KCNH5: variants seen among roughly 807,000 people sequenced by gnomAD.
The protein encoded by KCNH5 is potassium voltage-gated channel subfamily H member 5.
Under a neutral mutation model 96.1 loss-of-function variants are expected in KCNH5, and 46 were observed. That is an observed-to-expected ratio of 0.48 (90% confidence interval 0.38 to 0.61). KCNH5 has a LOEUF of 0.61. Ranked by LOEUF, KCNH5 falls within the 20% of genes least tolerant of loss-of-function variation. The probability of loss-of-function intolerance (pLI) is 0.00; values close to 1 mark genes in which losing one functional copy is unlikely to be tolerated. For synonymous variants in KCNH5, 439 were observed against 449.8 expected, an observed-to-expected ratio of 0.98 and a Z score of 0.30; for missense variants, 907 against 1,225.8, an observed-to-expected ratio of 0.74 and a Z score of 3.88.
chr14:62,890,324 A>G (rs940171804), intron 7 of KCNH5, among the ~76,000 whole-genome samples: 4 of 152,200 alleles, frequency 2.6e-5, no homozygotes. Context: ...ATATTTGCAA[A>G]CTATGTATCT....
chr14:63,029,311 CA>C (rs1891583080), intron 1 of KCNH5, among the ~76,000 whole-genome samples: 1 of 152,046 alleles, frequency 6.6e-6, no homozygotes, highest in Non-Finnish European at 1.5e-5. Flanking sequence ...TAAGTTTCTG[CA>C]AAAAAGCTGG....
chr14:62,877,319 G>C lies in KCNH5; in HGVS notation c.1370-27467C>G, dbSNP rs375186444. On this transcript the variant is annotated intron_variant, in intron 7 of 10. Coordinates refer to ENST00000322893, the MANE Select transcript of KCNH5 (RefSeq NM_139318.5). ...CATGTCTAAAACACCAAAAGCAATG[G>C]CAACAAAAGACAAAATTGACAAATG... Among the ~76,000 whole-genome samples, 4 of 151,684 alleles carry C rather than the reference G, an allele frequency of 2.6e-5. No homozygotes were observed. In the East Asian group the frequency reaches 7.7e-4, roughly 29 times the overall value.
intron 1 of KCNH5, among the ~76,000 whole-genome samples, chr14:63,044,406 A>AT (rs1172170293): frequency 6.6e-6 from 1 of 152,154 alleles, no homozygotes; most frequent in Non-Finnish European, 1.5e-5. Flanking sequence ...CATCTTTTTG[A>AT]TTTTTTTCTA....
At chr14:62,746,346 T>C (rs1885375198) in intron 10 of KCNH5, among the ~76,000 whole-genome samples, 2 of 152,248 alleles carry the variant, frequency 1.3e-5, no homozygotes, top group Admixed American at 6.5e-5. Context: ...CTAGATGCTA[T>C]GATTACATTA....
intron 10 of KCNH5, among the ~76,000 whole-genome samples, chr14:62,768,938 A>C (rs1428810253): frequency 1.3e-5 from 2 of 152,224 alleles, no homozygotes; most frequent in East Asian, 3.8e-4. Flanking sequence ...CTGGAAGCAG[A>C]CCAACAGAGA....
At chr14:62,886,179 C>T (rs1484906149) in intron 7 of KCNH5, among the ~76,000 whole-genome samples, 1 of 151,024 alleles carries the variant, frequency 6.6e-6, no homozygotes, top group Non-Finnish European at 1.5e-5. Context: ...ACTCTCTGAG[C>T]ATCTTCAGGC....
intron 10 of KCNH5, among the ~76,000 whole-genome samples, chr14:62,716,607 A>G (rs1441175349): frequency 2.6e-5 from 4 of 152,108 alleles, no homozygotes; most frequent in Non-Finnish European, 4.4e-5. Flanking sequence ...ACTCAGCTCA[A>G]CTGTGTCCTT....
At chr14:63,030,403 A>T (rs770383679) in intron 1 of KCNH5, among the ~76,000 whole-genome samples, 1 of 152,238 alleles carries the variant, frequency 6.6e-6, no homozygotes, top group African/African-American at 2.4e-5. Flanking sequence ...TTCATTCAAG[A>T]CTATGCAGTA....
chr14:63,035,480 A>G, intron 1 of KCNH5, among the ~76,000 whole-genome samples: 1 of 152,234 alleles, frequency 6.6e-6, no homozygotes, highest in African/African-American at 2.4e-5. Context: ...TTACAGAGCT[A>G]CAAATTCAAT....
chr14:62,748,194 C>A (rs971834342), intron 10 of KCNH5, among the ~76,000 whole-genome samples: 3 of 152,152 alleles, frequency 2.0e-5, no homozygotes, highest in African/African-American at 7.2e-5. Flanking sequence ...GTAGGACGTT[C>A]CTGAAAGTAA....
intron 8 of KCNH5, among the ~76,000 whole-genome samples, chr14:62,849,212 G>C (rs1021454532): frequency 6.6e-6 from 1 of 152,140 alleles, no homozygotes; most frequent in Non-Finnish European, 1.5e-5. Context: ...AATTTAGGTG[G>C]AGGACAGCAT....
intron 7 of KCNH5, among the ~76,000 whole-genome samples, chr14:62,947,043 C>T (rs914244394): frequency 1.3e-5 from 2 of 152,064 alleles, no homozygotes; most frequent in Admixed American, 6.6e-5. Flanking sequence ...CAGAGCTATA[C>T]ACACACATTA....
intron 6 of KCNH5, among the ~76,000 whole-genome samples, chr14:62,974,345 A>G (rs1283459247): frequency 1.3e-5 from 2 of 151,902 alleles, no homozygotes; most frequent in African/African-American, 4.8e-5. Context: ...CTATGGCTCA[A>G]CTCCCTCTAA....
At chr14:62,953,268 C>A (rs937041693) in intron 6 of KCNH5, among the ~76,000 whole-genome samples, 1 of 152,054 alleles carries the variant, frequency 6.6e-6, no homozygotes, top group Non-Finnish European at 1.5e-5. Flanking sequence ...AGCCAACCCT[C>A]CAACTGACGC....
At chr14:63,027,237 G>T (rs1274685976) in intron 1 of KCNH5, among the ~76,000 whole-genome samples, 1 of 151,968 alleles carries the variant, frequency 6.6e-6, no homozygotes, top group Non-Finnish European at 1.5e-5. Flanking sequence ...AAAAATTTCA[G>T]TTAGACAGAA....
rs760791050 is a variant in KCNH5 at position 63,045,177 on chromosome 14, C to T, written c.10G>A (p.Gly4Ser). Residue 4 changes from glycine (G) to serine (S), a missense_variant, in exon 1 of 11, where the codon GGC (glycine) becomes AGC (serine). By Grantham distance (56) the Gly-to-Ser change is moderately conservative. Coordinates refer to ENST00000322893, the MANE Select transcript of KCNH5 (RefSeq NM_139318.5). MPG[G>S]KRGLVAPQNT... ...TGCGGTGCCACCAGCCCTCTCTTGC[C>T]CCCCGGCATCCTGGGTCTGGAGAGC... The T allele has an allele frequency of 6.2e-7, 1 of 1,613,536 alleles. No individual in the cohort carries two copies. Among genetic ancestry groups the T allele is most frequent in the Non-Finnish European group, 8.5e-7 (1 of 1,179,980 alleles).
intron 1 of KCNH5, among the ~76,000 whole-genome samples, chr14:63,043,960 T>C (rs10146400): frequency 0.1 from 15,186 of 152,196 alleles, 1,016 homozygotes; most frequent in East Asian, 0.36. Flanking sequence ...TTTTTTTTAA[T>C]CCCAAGAAAC....
At chr14:62,731,793 G>GAAC (rs1885056529) in intron 10 of KCNH5, among the ~76,000 whole-genome samples, 1 of 152,184 alleles carries the variant, frequency 6.6e-6, no homozygotes, top group Non-Finnish European at 1.5e-5. Flanking sequence ...AATGGATTTT[G>GAAC]AGGAATGATC....
At chr14:62,942,900 C>T (rs550280508) in intron 7 of KCNH5, among the ~76,000 whole-genome samples, 1 of 152,236 alleles carries the variant, frequency 6.6e-6, no homozygotes, top group Admixed American at 6.5e-5. Flanking sequence ...GACAAATTCT[C>T]ATTGACATAT....
Sources: allele counts gnomAD v4.1 joint callset (sites outside exome capture counted in the v4.1 genomes callset), GRCh38; gene constraint gnomAD v4.1.1; transcripts MANE v1.5; gene names NCBI Gene and HGNC (gene_info 2026-07-23, HGNC 2026-07-21).